AHRR: variants seen among roughly 807,000 people sequenced by gnomAD.
AHRR encodes aryl hydrocarbon receptor repressor.
A neutral mutation model predicts 44.0 loss-of-function variants in AHRR; 28 were observed. That is an observed-to-expected ratio of 0.64 (90% CI 0.47 to 0.87). The LOEUF is 0.87. Ranked by LOEUF, AHRR falls within the 40% of genes least tolerant of loss-of-function variation. The pLI, the probability that AHRR is intolerant of heterozygous loss-of-function variation, is 0.00. For synonymous variants in AHRR, 434 were observed against 407.0 expected, an observed-to-expected ratio of 1.07 and a Z score of -0.80; for missense variants, 990 against 953.9, an observed-to-expected ratio of 1.04 and a Z score of -0.50.
intron 4 of AHRR, among the ~76,000 whole-genome samples, chr5:399,821 C>T (rs777866196): frequency 2.6e-4 from 40 of 152,246 alleles, no homozygotes; most frequent in Non-Finnish European, 4.0e-4. Flanking sequence ...CAGCCTCCCA[C>T]TCTGTGGCCA....
chr5:380,109 G>A (rs566164454), intron 4 of AHRR, among the ~76,000 whole-genome samples: 221 of 152,246 alleles, frequency 1.5e-3, no homozygotes, highest in African/African-American at 2.2e-3. Flanking sequence ...ACTGAATGGC[G>A]TTTATACCTT....
At chr5:384,641 T>A (rs1434614954) in intron 4 of AHRR, among the ~76,000 whole-genome samples, 1 of 152,108 alleles carries the variant, frequency 6.6e-6, no homozygotes, top group East Asian at 1.9e-4. Context: ...AGGCTGGTCT[T>A]GAACCCCTGA....
chr5:371,597 GCCCACCTGTCCTAGA>G (rs1049251079), intron 3 of AHRR, among the ~76,000 whole-genome samples: 4 of 152,250 alleles, frequency 2.6e-5, no homozygotes, highest in South Asian at 2.1e-4. Context: ...GAGCATCTGG[GCCCACCTGTCCTAGA>G]CCCACCTGTC....
intron 3 of AHRR, chr5:367,929 T>C: frequency 1.4e-6 from 1 of 702,576 alleles, no homozygotes; most frequent in Non-Finnish European, 2.6e-6. Flanking sequence ...CTCAGTTCGG[T>C]CTGCATCTGT....
chr5:351,346 C>T (rs1742851808), intron 2 of AHRR, among the ~76,000 whole-genome samples: 1 of 152,196 alleles, frequency 6.6e-6, no homozygotes, highest in Non-Finnish European at 1.5e-5. Context: ...ACAGAGGAGA[C>T]AACGCAAACG....
At chr5:343,986 T>C (rs761495361) in intron 2 of AHRR, 22 bp downstream of exon 2, 11 of 1,589,316 alleles carry the variant, frequency 6.9e-6, no homozygotes, top group Non-Finnish European at 9.4e-6. Context: ...CGCCTTCTGC[T>C]TGTGTGGGTT....
At chr5:359,452 T>C (rs1743095066) in intron 3 of AHRR, among the ~76,000 whole-genome samples, 3 of 152,192 alleles carry the variant, frequency 2.0e-5, no homozygotes, top group Admixed American at 2.0e-4. Flanking sequence ...TCCACCTCTA[T>C]GCGTAGGGCC....
chr5:353,654 A>T, intron 2 of AHRR, 76 bp from the exon 3 acceptor site: 1 of 1,412,526 alleles, frequency 7.1e-7, no homozygotes, highest in Non-Finnish European at 9.6e-7. Context: ...AGGTCACTGC[A>T]GAGGACGGTT....
chr5:378,314 A>G (rs2126448422), intron 4 of AHRR, among the ~76,000 whole-genome samples: 1 of 152,374 alleles, frequency 6.6e-6, no homozygotes, highest in South Asian at 2.1e-4. Flanking sequence ...GAGCCGGCAC[A>G]GGCTTCAGAG....
rs1735271478 is a variant in AHRR, at chr5:406,649, A to C, written c.352-6695A>C. Among the ~76,000 whole-genome samples, 1 of 152,248 alleles carries C rather than the reference A, an allele frequency of 6.6e-6. No homozygotes were observed. The highest frequency in any genetic ancestry group is 6.5e-5 in the Admixed American group (1 of 15,292). ...AGGTTAGGAAAACGCTGGTGCAAAA[A>C]TACGATGCAGGCAGCTCAAAGGAGA... On this transcript the variant is annotated intron_variant, in intron 4 of 10. Transcript: ENST00000684583. This position sits in a 1 kb window ranked among gnomAD's most constrained non-coding sequence, Gnocchi z 4.7.
At chr5:328,548 G>A (rs1014842662) in intron 1 of AHRR, among the ~76,000 whole-genome samples, 2 of 152,028 alleles carry the variant, frequency 1.3e-5, no homozygotes, top group Admixed American at 1.3e-4. Flanking sequence ...ACTGCACCTG[G>A]CCGTCTTTTT....
chr5:391,447 GGCGAGGCAGGGCCAGAGC>G, intron 4 of AHRR, among the ~76,000 whole-genome samples: 1 of 108,300 alleles, frequency 9.2e-6, no homozygotes, highest in East Asian at 2.5e-4. Context: ...GCGGGCGCAG[GGCGAGGCAGGGCCAGAGC>G]GTGCACGGGG....
At chr5:426,426 A>AGATG (rs145046118) in intron 7 of AHRR, among the ~76,000 whole-genome samples, 60,231 of 146,652 alleles carry the variant, frequency 0.41, 12,958 homozygotes, top group Non-Finnish European at 0.49. Context: ...ATAGATGGGA[A>AGATG]GATGGATGGA....
At chr5:386,963 T>G (rs1450587791) in intron 4 of AHRR, among the ~76,000 whole-genome samples, 1 of 152,242 alleles carries the variant, frequency 6.6e-6, no homozygotes, top group Non-Finnish European at 1.5e-5. Context: ...TTTTTTGTTT[T>G]GTCTTAGTCA....
chr5:378,102 G>A (rs535722602), intron 4 of AHRR, among the ~76,000 whole-genome samples: 1 of 152,224 alleles, frequency 6.6e-6, no homozygotes, highest in Non-Finnish European at 1.5e-5. Flanking sequence ...GTATGGTGAG[G>A]GTTCCTCACT....
At chr5:397,723 CT>C in intron 4 of AHRR, among the ~76,000 whole-genome samples, 1 of 136,298 alleles carries the variant, frequency 7.3e-6, no homozygotes, top group Non-Finnish European at 1.6e-5. Context: ...GTCCACGTAG[CT>C]CCTGACCGTC....
rs1362908250 is a variant in AHRR, at chr5:434,384, T to C, written c.1644T>C (p.Cys548=). ...GGTGTGAGGGTGCTGCAGACGGCTG[T>C]GTGCCCAGCCAGGTGTGGCTGGGGG... ...DSGCEGAADG[C]VPSQVWLGAS... The change falls in exon 11 of 11, where the codon TGT becomes TGC. Residue 548 remains cysteine (C), a synonymous_variant. Transcript: ENST00000684583. 1 of 1,613,624 alleles carries C rather than the reference T, an allele frequency of 6.2e-7. No individual in the cohort carries two copies.
intron 7 of AHRR, among the ~76,000 whole-genome samples, chr5:425,586 T>TC (rs1736349251): frequency 6.6e-6 from 1 of 152,356 alleles, no homozygotes; most frequent in African/African-American, 2.4e-5. Flanking sequence ...GGAATGTTGT[T>TC]CGTTTTTTAA....
At chr5:398,459 A>T (rs1270198709) in intron 4 of AHRR, among the ~76,000 whole-genome samples, 1 of 152,122 alleles carries the variant, frequency 6.6e-6, no homozygotes, top group Non-Finnish European at 1.5e-5. Context: ...TTAGCCTCTG[A>T]CCATCTGTGG....
Sources: gnomAD v4.1 joint callset for allele counts (sites outside exome capture counted in the v4.1 genomes callset) on GRCh38, gnomAD v4.1.1 for gene constraint, Gnocchi (gnomAD v3.1) non-coding constraint, MANE v1.5 for transcripts, NCBI Gene and HGNC (gene_info 2026-07-23, HGNC 2026-07-21) for gene names.